KHDRBS3: variants seen among roughly 807,000 people sequenced by gnomAD.
KHDRBS3 encodes KH RNA binding domain containing, signal transduction associated 3.
A neutral mutation model predicts 45.6 loss-of-function variants in KHDRBS3; 23 were observed. The observed-to-expected ratio is 0.50, with a 90% CI of 0.36 to 0.72. The LOEUF (loss-of-function observed/expected upper bound fraction) is 0.72. Ranked by LOEUF, KHDRBS3 falls within the 30% of genes least tolerant of loss-of-function variation. KHDRBS3 has a pLI of 0.00. For synonymous variants in KHDRBS3, 162 were observed against 156.5 expected, an observed-to-expected ratio of 1.04 and a Z score of -0.26; for missense variants, 352 against 424.8, an observed-to-expected ratio of 0.83 and a Z score of 1.51.
rs535022237 is a variant in KHDRBS3, at chr8:135,460,313, A to G, written c.88+2359A>G. Among the ~76,000 whole-genome samples the G allele has an allele frequency of 2.0e-5, 3 of 152,350 alleles. No individual in the cohort carries two copies. The South Asian group carries it at 6.2e-4, about 32-fold the overall frequency. ...GCGTGCCATGTAATAGATATGTTTT[A>G]TGGTATCTCTAAACTCTAACAAGGC... On this transcript the variant is annotated intron_variant, in intron 1 of 8. Transcript: ENST00000355849.
chr8:135,515,694 T>C (rs2130617074), intron 1 of KHDRBS3, among the ~76,000 whole-genome samples: 1 of 152,334 alleles, frequency 6.6e-6, no homozygotes, highest in South Asian at 2.1e-4. Flanking sequence ...ACAAATTAAC[T>C]GCTTTCCTGT....
intron 6 of KHDRBS3, among the ~76,000 whole-genome samples, chr8:135,588,031 C>T (rs1412809600): frequency 6.6e-6 from 1 of 152,156 alleles, no homozygotes; most frequent in Non-Finnish European, 1.5e-5. Flanking sequence ...CAGACATCGA[C>T]TGTGTGTCCT....
At chr8:135,653,631 T>C (rs1266834558) in intron 4 of KHDRBS3, among the ~76,000 whole-genome samples, 2 of 152,230 alleles carry the variant, frequency 1.3e-5, no homozygotes, top group African/African-American at 4.8e-5. Flanking sequence ...TATCAAACTT[T>C]ATTATAAAAT....
rs1210705219 is a variant in KHDRBS3, at chr8:135,606,030, T to C, written c.808-925T>C. Among the ~76,000 whole-genome samples the C allele has an allele frequency of 2.6e-5, 4 of 152,300 alleles. No individual in the cohort carries two copies. The East Asian group carries it at 5.8e-4, about 22-fold the overall frequency. On this transcript the variant is annotated intron_variant, in intron 6 of 8. Transcript: ENST00000355849. ...TTTTCTAAACTAATCTTATAAAGTC[T>C]CTATTTCTTGTGCATTGCTATTGAA... is the stretch of plus-strand genomic sequence containing the variant.
chr8:135,490,104 A>T (rs1301714755), intron 1 of KHDRBS3, among the ~76,000 whole-genome samples: 2 of 152,178 alleles, frequency 1.3e-5, no homozygotes, highest in African/African-American at 2.4e-5. Context: ...AGCCTACACC[A>T]TGTAGCCTAG....
intron 1 of KHDRBS3, among the ~76,000 whole-genome samples, chr8:135,516,289 G>A (rs1350136802): frequency 2.6e-5 from 4 of 152,160 alleles, no homozygotes; most frequent in African/African-American, 7.2e-5. Flanking sequence ...GTGGTTGAGT[G>A]GTGAGTGAAT....
intron 4 of KHDRBS3, among the ~76,000 whole-genome samples, chr8:135,553,238 A>T (rs2130814938): frequency 6.6e-6 from 1 of 152,230 alleles, no homozygotes; most frequent in Non-Finnish European, 1.5e-5. Flanking sequence ...GAAATGTAGC[A>T]CTTTTTAATG....
intron 7 of KHDRBS3, among the ~76,000 whole-genome samples, chr8:135,621,324 C>T (rs938483163): frequency 6.6e-6 from 1 of 152,206 alleles, no homozygotes; most frequent in African/African-American, 2.4e-5. Flanking sequence ...GCACTTTGCA[C>T]AGTGCCTACC....
At chr8:135,616,114 T>G (rs371516051) in intron 7 of KHDRBS3, among the ~76,000 whole-genome samples, 1 of 152,270 alleles carries the variant, frequency 6.6e-6, no homozygotes, top group African/African-American at 2.4e-5. Flanking sequence ...TGTGAGTTAC[T>G]ATGTATCTAG....
intron 1 of KHDRBS3, among the ~76,000 whole-genome samples, chr8:135,480,488 G>A (rs1822506698): frequency 6.6e-6 from 1 of 152,088 alleles, no homozygotes; most frequent in African/African-American, 2.4e-5. Flanking sequence ...GATAATAAAT[G>A]TAGTATATAC....
chr8:135,629,526 C>T (rs571166382), intron 7 of KHDRBS3, among the ~76,000 whole-genome samples: 2 of 152,314 alleles, frequency 1.3e-5, no homozygotes, highest in South Asian at 4.2e-4. Context: ...CCGAGCTTAC[C>T]CTGCTTCTAA....
intron 1 of KHDRBS3, among the ~76,000 whole-genome samples, chr8:135,484,351 C>A (rs1586587247): frequency 6.6e-6 from 1 of 152,168 alleles, no homozygotes; most frequent in Non-Finnish European, 1.5e-5. Context: ...AAACAGGAAC[C>A]AGCCCTGGAA....
chr8:135,508,754 A>T (rs1185276835), intron 1 of KHDRBS3, among the ~76,000 whole-genome samples: 1 of 152,216 alleles, frequency 6.6e-6, no homozygotes, highest in African/African-American at 2.4e-5. Flanking sequence ...TGATAAATGC[A>T]TTGGGTTATA....
chr8:135,504,736 A>G lies in KHDRBS3; in HGVS notation c.89-16501A>G, dbSNP rs1378721744. ...CTGCAGTTGCATATTCCCAGATTAT[A>G]TTGTCTTCCTGTGCATTTCACAGGG... On this transcript the variant is annotated intron_variant, in intron 1 of 8. Coordinates refer to ENST00000355849, the MANE Select transcript of KHDRBS3 (RefSeq NM_006558.3). Among the ~76,000 whole-genome samples the G allele has an allele frequency of 5.3e-5, 8 of 152,194 alleles. No homozygotes were observed. The East Asian group carries it at 1.5e-3, about 29-fold the overall frequency.
In KHDRBS3 at chr8:135,548,915, TC is replaced by T. The variant is rs779448141; in HGVS notation, c.471+16del. The T allele has an allele frequency of 5.9e-6, 9 of 1,532,420 alleles. No individual in the cohort carries two copies. The highest frequency in any genetic ancestry group is 1.7e-4 in the Middle Eastern group (1 of 5,752). The allele number at this position is 1,532,420 out of a possible 1,614,324, so 94.9% of individuals were successfully genotyped here. A position where few individuals can be genotyped will look rare whatever the true frequency, so the allele number is the denominator to read the frequency against. ...TCCTCATCCCTGTTAGTACCATTTTTCTTGATAGTTAACTTGTACTTTAAAG... is the reference window on the plus strand; with the variant it reads ...TCCTCATCCCTGTTAGTACCATTTTTTTGATAGTTAACTTGTACTTTAAAG... On this transcript the variant is annotated intron_variant, in intron 4 of 8. Coordinates refer to ENST00000355849, the MANE Select transcript of KHDRBS3 (RefSeq NM_006558.3).
At chr8:135,640,800 T>C (rs916451147) in intron 7 of KHDRBS3, among the ~76,000 whole-genome samples, 3 of 152,200 alleles carry the variant, frequency 2.0e-5, no homozygotes, top group African/African-American at 4.8e-5. Context: ...TTGCCTGTTA[T>C]CAATATGAAA....
At chr8:135,463,845 C>A (rs372389919) in intron 1 of KHDRBS3, among the ~76,000 whole-genome samples, 103 of 152,298 alleles carry the variant, frequency 6.8e-4, no homozygotes, top group African/African-American at 2.3e-3. Flanking sequence ...TGACTTATAT[C>A]TTCTACCAAA....
intron 2 of KHDRBS3, among the ~76,000 whole-genome samples, chr8:135,537,351 T>C (rs1463750492): frequency 6.6e-6 from 1 of 152,204 alleles, no homozygotes; most frequent in Non-Finnish European, 1.5e-5. Context: ...CGTGACAGGT[T>C]CTTGAGATTT....
At chr8:135,621,685 GT>G (rs1423872465) in intron 7 of KHDRBS3, among the ~76,000 whole-genome samples, 2 of 135,198 alleles carry the variant, frequency 1.5e-5, no homozygotes, top group African/African-American at 5.5e-5. Flanking sequence ...CCAGAAGGAA[GT>G]TTTTGTGCAG....
Sources: gnomAD v4.1 joint callset for allele counts (sites outside exome capture counted in the v4.1 genomes callset) on GRCh38, gnomAD v4.1.1 for gene constraint, MANE v1.5 for transcripts, NCBI Gene and HGNC (gene_info 2026-07-23, HGNC 2026-07-21) for gene names.